The following COL11A1 variants were observed in gnomAD, a reference collection of about 807,000 sequenced individuals.
COL11A1 encodes the protein collagen alpha-1(XI) chain.
A neutral mutation model predicts 265.2 loss-of-function variants in COL11A1; 74 were observed. That is an observed-to-expected ratio of 0.28 (90% CI 0.23 to 0.34). COL11A1 has a LOEUF of 0.34. COL11A1 is among the 10% of genes least tolerant of loss of function. The probability of loss-of-function intolerance (pLI) is 1.00; values close to 1 mark genes in which losing one functional copy is unlikely to be tolerated. For synonymous variants in COL11A1, 816 were observed against 727.6 expected, an observed-to-expected ratio of 1.12 and a Z score of -1.96; for missense variants, 2,165 against 2,263.6, an observed-to-expected ratio of 0.96 and a Z score of 0.88.
Position 103,015,662 on chromosome 1 carries a change from A to G in COL11A1, c.1488+6T>C, listed in dbSNP as rs1571042150. 5 of 1,598,348 alleles carry G rather than the reference A, an allele frequency of 3.1e-6. No individual in the cohort carries two copies. Among genetic ancestry groups the G allele is most frequent in the Non-Finnish European group, 2.6e-6 (3 of 1,169,234 alleles). On this transcript the variant is annotated splice_donor_region_variant and intron_variant, in intron 12 of 66. Coordinates refer to ENST00000370096, the MANE Select transcript of COL11A1 (RefSeq NM_001854.4). The stretch of plus-strand genomic sequence containing the variant: ...AGTCATCTCTATAACATAAAAAAGA[A>G]CATACCGGTAACATCAACATAGTAC...
chr1:102,936,690 A>T (rs1417528150), intron 44 of COL11A1, among the ~76,000 whole-genome samples: 2 of 152,208 alleles, frequency 1.3e-5, no homozygotes, highest in Non-Finnish European at 1.5e-5. Context: ...TTTCCAAATT[A>T]TCAATGAAGG....
intron 2 of COL11A1, among the ~76,000 whole-genome samples, chr1:103,080,870 C>T (rs1672357095): frequency 6.6e-6 from 1 of 151,810 alleles, no homozygotes; most frequent in African/African-American, 2.4e-5. Context: ...TTATATTATC[C>T]ATCAACCCTA....
intron 4 of COL11A1, among the ~76,000 whole-genome samples, chr1:103,032,570 G>A (rs912602689): frequency 2.0e-5 from 3 of 151,956 alleles, no homozygotes; most frequent in South Asian, 2.1e-4. Flanking sequence ...TGTAAGAAGT[G>A]CCAAGAAAGG....
intron 26 of COL11A1, among the ~76,000 whole-genome samples, chr1:102,996,489 C>T (rs538523841): frequency 4.0e-5 from 6 of 151,720 alleles, no homozygotes; most frequent in Non-Finnish European, 7.4e-5. Context: ...AATTATATAT[C>T]TTCCAAAAGC....
chr1:103,001,852 G>A (rs1665136043), intron 24 of COL11A1, 73 bp downstream of exon 24: 1 of 1,371,740 alleles, frequency 7.3e-7, no homozygotes. Flanking sequence ...ACAGAAGGCA[G>A]ACCTTATACC....
intron 1 of COL11A1, among the ~76,000 whole-genome samples, chr1:103,090,604 T>G (rs145618081): frequency 8.9e-4 from 136 of 152,320 alleles, no homozygotes; most frequent in African/African-American, 3.1e-3. Flanking sequence ...TTGGATAAGC[T>G]ATTTACCTCT....
Position 102,898,176 on chromosome 1 carries a change from TC to T in COL11A1, c.4250del (p.Gly1417GlufsTer41). 1 of 1,364,696 alleles carries T rather than the reference TC, an allele frequency of 7.3e-7. No homozygotes were observed. Among genetic ancestry groups the T allele is most frequent in the Non-Finnish European group, 9.6e-7 (1 of 1,045,782 alleles). 84.5% of individuals were successfully genotyped at this position (1,364,696 alleles called of 1,614,324 possible). ...EGLRGIPGPV[G>X]EQGLPGAAGQ... ...CTGCAGCTCCAGGGAGACCTTGTTC[TC>T]CCTAGAGAAAATAAAAATGATTGAT... On this transcript the variant is annotated frameshift_variant and splice_region_variant, in exon 57 of 67. Transcript: ENST00000370096. LOFTEE classifies it high-confidence loss of function.
intron 4 of COL11A1, among the ~76,000 whole-genome samples, chr1:103,044,702 G>C (rs17507967): frequency 0.18 from 26,813 of 151,956 alleles, 2,447 homozygotes; most frequent in Middle Eastern, 0.2. Context: ...GAATTAATAA[G>C]TGCTAGAAAA....
chr1:103,016,727 T>C (rs1488058870), intron 11 of COL11A1, among the ~76,000 whole-genome samples: 1 of 152,022 alleles, frequency 6.6e-6, no homozygotes, highest in Non-Finnish European at 1.5e-5. Context: ...GGCAAAATTA[T>C]ATTTTATTTA....
rs138202640 is a variant in COL11A1, at chr1:102,886,801, A to G, written c.4858+6T>C. 5.0e-6 allele frequency: 8 copies of G among 1,613,726 alleles called. No individual in the cohort carries two copies. In the African/African-American group the frequency reaches 1.1e-4, roughly 22 times the overall value. On this transcript the variant is annotated splice_donor_region_variant and intron_variant, in intron 63 of 66. Coordinates refer to ENST00000370096, the MANE Select transcript of COL11A1 (RefSeq NM_001854.4). Reference sequence around the variant, plus strand: ...ACATTTGCTTTGTCATGTATTATTTACATACCATCTGGGAAGTCAGGATGG... The same window carrying G: ...ACATTTGCTTTGTCATGTATTATTTGCATACCATCTGGGAAGTCAGGATGG...
At chr1:102,982,926 T>C (rs1570939352) in intron 31 of COL11A1, among the ~76,000 whole-genome samples, 1 of 152,118 alleles carries the variant, frequency 6.6e-6, no homozygotes, top group Admixed American at 6.6e-5. Flanking sequence ...GTTTCTGTTA[T>C]GCCTGAATGG....
intron 1 of COL11A1, among the ~76,000 whole-genome samples, chr1:103,083,445 A>C (rs1289482776): frequency 6.9e-6 from 1 of 145,164 alleles, no homozygotes; most frequent in Non-Finnish European, 1.5e-5. Context: ...TCCAACAGTT[A>C]CTAATAAACT....
At chr1:102,907,087 G>A (rs1468507351) in intron 54 of COL11A1, among the ~76,000 whole-genome samples, 2 of 151,974 alleles carry the variant, frequency 1.3e-5, no homozygotes, top group Non-Finnish European at 2.9e-5. Context: ...TATTATGCTC[G>A]ATCGGGCTGA....
chr1:102,928,913 A>AGAAG (rs1656994788), intron 46 of COL11A1, among the ~76,000 whole-genome samples: 1 of 60,420 alleles, frequency 1.7e-5, no homozygotes, highest in Non-Finnish European at 5.1e-5. Flanking sequence ...GTGTCTGTTC[A>AGAAG]TGTCCTTTGC....
chr1:102,956,873 A>G (rs141902355), intron 41 of COL11A1, among the ~76,000 whole-genome samples: 303 of 151,912 alleles, frequency 2.0e-3, no homozygotes, highest in African/African-American at 6.4e-3. Flanking sequence ...TGTAATTCAA[A>G]CTGACTAAAA....
chr1:103,013,612 CTT>C (rs1380318003), intron 13 of COL11A1, among the ~76,000 whole-genome samples: 1 of 151,662 alleles, frequency 6.6e-6, no homozygotes, highest in Non-Finnish European at 1.5e-5. Flanking sequence ...GATTAATAGA[CTT>C]AGGAAAGACA....
intron 4 of COL11A1, among the ~76,000 whole-genome samples, chr1:103,053,386 T>A (rs1026949537): frequency 6.6e-6 from 1 of 152,182 alleles, no homozygotes; most frequent in African/African-American, 2.4e-5. Context: ...TGATTCCAGA[T>A]GGTCTGACTG....
intron 44 of COL11A1, among the ~76,000 whole-genome samples, chr1:102,935,426 C>T (rs1443519036): frequency 2.0e-5 from 3 of 152,046 alleles, no homozygotes; most frequent in African/African-American, 7.2e-5. Context: ...TGAAAATTTT[C>T]AAAGTATCAG....
At chr1:103,010,021 AC>A (rs1665966982) in intron 14 of COL11A1, among the ~76,000 whole-genome samples, 1 of 152,164 alleles carries the variant, frequency 6.6e-6, no homozygotes, top group Non-Finnish European at 1.5e-5. Flanking sequence ...TACCTACTCA[AC>A]AGATTATAAT....
Sources: allele counts gnomAD v4.1 joint callset (sites outside exome capture counted in the v4.1 genomes callset), GRCh38; gene constraint gnomAD v4.1.1; transcripts MANE v1.5; gene names NCBI Gene and HGNC (gene_info 2026-07-23, HGNC 2026-07-21).